The following FAM204A variants were observed in gnomAD, a reference collection of about 807,000 sequenced individuals.
FAM204A encodes protein FAM204A.
In FAM204A, 16 loss-of-function variants were observed where a neutral mutation model predicts 35.4. The observed-to-expected ratio is 0.45, with a 90% CI of 0.31 to 0.69. The LOEUF (loss-of-function observed/expected upper bound fraction) is 0.69, where lower values mean the gene tolerates loss of function less well. Among genes scored for constraint, FAM204A ranks in the 30% least tolerant of loss-of-function variants. FAM204A has a pLI of 0.07. For synonymous variants in FAM204A, 76 were observed against 86.9 expected, an observed-to-expected ratio of 0.88 and a Z score of 0.70; for missense variants, 240 against 265.7, an observed-to-expected ratio of 0.90 and a Z score of 0.67.
chr10:118,335,876 CA>C, intron 3 of FAM204A: 2 of 530,972 alleles, frequency 3.8e-6, no homozygotes, highest in Non-Finnish European at 3.2e-6. Context: ...ATGTAGGTAA[CA>C]AAAAAGATAA....
chr10:118,333,958 A>G (rs1846331660), intron 6 of FAM204A, among the ~76,000 whole-genome samples: 1 of 152,184 alleles, frequency 6.6e-6, no homozygotes, highest in African/African-American at 2.4e-5. Flanking sequence ...TCCATGAAAG[A>G]GGCATCTGTC....
At position 118,306,798 on chromosome 10, in the gene FAM204A, T is replaced by C. The variant is rs1845871055; in HGVS notation, c.*4059A>G. ...CTCGTGGCAATCTCCATTGGCCACA[T>C]GCTGTCATGTCCTTTACTGAAGGCA... On this transcript the variant is annotated 3_prime_UTR_variant, in exon 9 of 9. Transcript: ENST00000369183. 6.6e-6 allele frequency: 1 copy of C among 152,274 alleles called. No homozygotes were observed. The highest frequency in any genetic ancestry group is 2.1e-4 in the South Asian group (1 of 4,836). The allele number at this position is 152,274 out of a possible 1,614,324, so 9.4% of individuals were successfully genotyped here.
In FAM204A at chr10:118,334,370, G is replaced by C. The variant is rs57052078; in HGVS notation, c.453+744C>G. On this transcript the variant is annotated intron_variant, in intron 6 of 8. Transcript: ENST00000369183. ...CTATCACCTCGCAAGCAATCCAGAG[G>C]CAAGTATCATCAATTTTACTTCTAC... Among the ~76,000 whole-genome samples, 1,295 of 152,184 alleles carry C rather than the reference G, an allele frequency of 8.5e-3. 20 individuals are homozygous for C. Among genetic ancestry groups the C allele is most frequent in the African/African-American group, 0.03 (1,230 of 41,490 alleles).
intron 7 of FAM204A, among the ~76,000 whole-genome samples, chr10:118,313,870 T>C (rs929241948): frequency 3.9e-5 from 6 of 152,194 alleles, no homozygotes; most frequent in African/African-American, 4.8e-5. Flanking sequence ...ATTTTTCTCA[T>C]TGGAATTTCC....
chr10:118,312,931 G>A (rs534291134), intron 7 of FAM204A, among the ~76,000 whole-genome samples: 133 of 152,198 alleles, frequency 8.7e-4, no homozygotes, highest in Middle Eastern at 6.8e-3. Flanking sequence ...ACATTTGACT[G>A]CTTTAGTATT....
chr10:118,310,989 A>G (rs1034323857), intron 8 of FAM204A, 81 bp from the exon 9 acceptor site: 3 of 1,400,248 alleles, frequency 2.1e-6, no homozygotes, highest in Non-Finnish European at 2.9e-6. Flanking sequence ...TAGAGACCAA[A>G]GCAAAACAAA....
intron 7 of FAM204A, among the ~76,000 whole-genome samples, chr10:118,320,449 G>A (rs568953652): frequency 2.0e-5 from 3 of 151,936 alleles, no homozygotes; most frequent in South Asian, 2.1e-4. Flanking sequence ...GTACCAAAGC[G>A]TGGCATTTTC....
intron 2 of FAM204A, chr10:118,337,323 T>C: frequency 4.3e-6 from 3 of 697,340 alleles, no homozygotes; most frequent in Non-Finnish European, 5.3e-6. Context: ...CCGGTTGTAC[T>C]GCTCATGATT....
chr10:118,334,738 C>G (rs1356124906), intron 6 of FAM204A, among the ~76,000 whole-genome samples: 2 of 152,178 alleles, frequency 1.3e-5, no homozygotes, highest in East Asian at 3.8e-4. Context: ...GCCAGGCTGG[C>G]CTTCCTACAG....
At chr10:118,327,883 A>G (rs1051234215) in intron 6 of FAM204A, among the ~76,000 whole-genome samples, 1 of 152,190 alleles carries the variant, frequency 6.6e-6, no homozygotes, top group African/African-American at 2.4e-5. Context: ...GGATTGTTTG[A>G]GCCCAGGAGT....
Position 118,326,194 on chromosome 10 carries a change from T to C in FAM204A, c.503A>G (p.Glu168Gly). 1.9e-6 allele frequency: 3 copies of C among 1,614,012 alleles called. No homozygotes were observed. The South Asian group carries it at 3.3e-5, about 18-fold the overall frequency. ...CTGGTTGCTGAGTTCCTCAGCCTTC[T>C]CAATATTCCACTCCTCCACAGCCTG... ...IDQAVEEWNI[E>G]KAEELSNQLA... is the part of the protein sequence containing the mutation. Residue 168 changes from glutamate (E) to glycine (G), a missense_variant, in exon 7 of 9, where the codon GAG becomes GGG. Transcript: ENST00000369183.
chr10:118,338,161 G>T (rs1846417429), intron 2 of FAM204A, among the ~76,000 whole-genome samples: 1 of 152,066 alleles, frequency 6.6e-6, no homozygotes, highest in South Asian at 2.1e-4. Flanking sequence ...ACATTTCTTT[G>T]TTTAAAGGAA....
intron 2 of FAM204A, chr10:118,337,166 A>G: frequency 1.2e-6 from 1 of 855,460 alleles, no homozygotes. Flanking sequence ...AGTTTAATAA[A>G]ATGACTTAAA....
At chr10:118,316,350 TC>T (rs1377371055) in intron 7 of FAM204A, among the ~76,000 whole-genome samples, 1 of 152,144 alleles carries the variant, frequency 6.6e-6, no homozygotes, top group Non-Finnish European at 1.5e-5. Context: ...TATTATGTGC[TC>T]TAGTAAATTC....
intron 7 of FAM204A, among the ~76,000 whole-genome samples, chr10:118,324,320 A>G (rs1257699846): frequency 6.6e-6 from 1 of 152,190 alleles, no homozygotes; most frequent in African/African-American, 2.4e-5. Flanking sequence ...ACTTCCGGGT[A>G]CATACCCAAA....
At position 118,306,901 on chromosome 10, in the gene FAM204A, A is replaced by C. The variant is rs1845872167; in HGVS notation, c.*3956T>G. On this transcript the variant is annotated 3_prime_UTR_variant, in exon 9 of 9. Coordinates refer to ENST00000369183, the MANE Select transcript of FAM204A (RefSeq NM_022063.3). ...TGTGTGTAGGTATTTTTTTCTTTTA[A>C]AGCAAGCAGTGTGGAGGGAGGATGA... 6.6e-6 allele frequency: 1 copy of C among 152,158 alleles called. No homozygotes were observed. The highest frequency in any genetic ancestry group is 2.4e-5 in the African/African-American group (1 of 41,432). The allele number at this position is 152,158 out of a possible 1,614,324, so 9.4% of individuals were successfully genotyped here. A position where few individuals can be genotyped will look rare whatever the true frequency, so the allele number is the denominator to read the frequency against.
rs182792497 is a variant in FAM204A at position 118,320,408 on chromosome 10, T to C, written c.543+5746A>G. Among the ~76,000 whole-genome samples the C allele has an allele frequency of 1.8e-3, 279 of 152,066 alleles. 3 individuals carry two copies. Among genetic ancestry groups the C allele is most frequent in the East Asian group, 7.9e-3 (41 of 5,184 alleles). ...TATCGTTTTCTATAAATTGGTATGA[T>C]TTAAACAAACATAATGTATAAGAAA... On this transcript the variant is annotated intron_variant, in intron 7 of 8. Coordinates refer to ENST00000369183, the MANE Select transcript of FAM204A (RefSeq NM_022063.3).
chr10:118,326,992 G>A (rs776148866), intron 6 of FAM204A, among the ~76,000 whole-genome samples: 4 of 152,274 alleles, frequency 2.6e-5, no homozygotes, highest in African/African-American at 4.8e-5. Flanking sequence ...GGTACAATGC[G>A]TTACACATTT....
chr10:118,329,391 C>T (rs1015559269), intron 6 of FAM204A, among the ~76,000 whole-genome samples: 3 of 152,178 alleles, frequency 2.0e-5, no homozygotes, highest in Non-Finnish European at 4.4e-5. Context: ...TCAACCCCAT[C>T]TTCAGCAATT....
Sources: gnomAD v4.1 joint callset for allele counts (sites outside exome capture counted in the v4.1 genomes callset) on GRCh38, gnomAD v4.1.1 for gene constraint, MANE v1.5 for transcripts, NCBI Gene and HGNC (gene_info 2026-07-23, HGNC 2026-07-21) for gene names.